CFAP20DC: variants seen among roughly 807,000 people sequenced by gnomAD.
CFAP20DC encodes the protein protein CFAP20DC.
In CFAP20DC, 84 loss-of-function variants were observed where a neutral mutation model predicts 101.7. That is an observed-to-expected ratio of 0.83 (90% confidence interval 0.69 to 0.99). CFAP20DC has a LOEUF of 0.99. Ranked by LOEUF, CFAP20DC falls within the 50% of genes least tolerant of loss-of-function variation. The probability of loss-of-function intolerance (pLI) is 0.00; values close to 1 mark genes in which losing one functional copy is unlikely to be tolerated. For missense variants in CFAP20DC, 1,007 were observed against 970.3 expected, an observed-to-expected ratio of 1.04 and a Z score of -0.50; for synonymous variants, 359 against 351.2, an observed-to-expected ratio of 1.02 and a Z score of -0.25.
intron 5 of CFAP20DC, among the ~76,000 whole-genome samples, chr3:58,931,214 G>C (rs907437433): frequency 6.6e-6 from 1 of 152,136 alleles, no homozygotes; most frequent in African/African-American, 2.4e-5. Context: ...AAGCGAGGCT[G>C]GGGGAGGGGT....
chr3:58,998,389 A>G (rs1377306094), intron 4 of CFAP20DC, among the ~76,000 whole-genome samples: 1 of 152,184 alleles, frequency 6.6e-6, no homozygotes, highest in Non-Finnish European at 1.5e-5. Flanking sequence ...GGTGATAACA[A>G]TATCAAACTC....
intron 3 of CFAP20DC, among the ~76,000 whole-genome samples, chr3:59,040,192 GTTAA>G (rs1191059578): frequency 6.6e-6 from 1 of 151,924 alleles, no homozygotes; most frequent in Non-Finnish European, 1.5e-5. Flanking sequence ...TAAACCTTTT[GTTAA>G]TTAACATATA....
At chr3:58,995,287 C>A (rs1442636470) in intron 4 of CFAP20DC, among the ~76,000 whole-genome samples, 2 of 151,530 alleles carry the variant, frequency 1.3e-5, no homozygotes, top group Non-Finnish European at 2.9e-5. Context: ...GACTCTCCTG[C>A]AACTGAAAAA....
chr3:58,902,530 T>C (rs906079067), intron 6 of CFAP20DC, among the ~76,000 whole-genome samples: 2 of 152,218 alleles, frequency 1.3e-5, no homozygotes, highest in African/African-American at 2.4e-5. Context: ...GCTAATGATA[T>C]TGAACATTTT....
rs573492850 is a variant in CFAP20DC, at chr3:59,001,229, T to C, written c.278+38328A>G. The stretch of plus-strand genomic sequence containing the variant: ...TTATAATTTATGTACTTAATTTCTA[T>C]ACTTTATCCTTGAAGATTCTTTGAT... On this transcript the variant is annotated intron_variant, in intron 4 of 16. Coordinates refer to ENST00000482387, the MANE Select transcript of CFAP20DC (RefSeq NM_001394063.1). The surrounding 1 kb of genome is among the most constrained non-coding windows in gnomAD (Gnocchi z 4.5). Among the ~76,000 whole-genome samples, 27 of 152,328 alleles carry C rather than the reference T, an allele frequency of 1.8e-4. No individual in the cohort carries two copies. The highest frequency in any genetic ancestry group is 3.4e-3 in the Middle Eastern group (1 of 294).
intron 5 of CFAP20DC, among the ~76,000 whole-genome samples, chr3:58,916,331 A>C (rs902460617): frequency 1.3e-5 from 2 of 151,976 alleles, no homozygotes; most frequent in African/African-American, 2.4e-5. Flanking sequence ...AGCTGGTTAC[A>C]CCACCAGCTC....
In CFAP20DC at chr3:58,886,571, C is replaced by CA. The variant is rs950009179; in HGVS notation, c.551-1863dup. Among the ~76,000 whole-genome samples the CA allele has an allele frequency of 1.3e-5, 2 of 150,434 alleles. 1 individual carries two copies. Among genetic ancestry groups the CA allele is most frequent in the South Asian group, 4.2e-4 (2 of 4,726 alleles). On this transcript the variant is annotated intron_variant, in intron 6 of 16. Coordinates refer to ENST00000482387, the MANE Select transcript of CFAP20DC (RefSeq NM_001394063.1). ...ACCCCATATATCTTTAAAAAAAAAA[C>CA]AAAAAAATTAGCTGGGCATAGTCCC... is the stretch of plus-strand genomic sequence containing the variant.
At chr3:59,045,093 C>CT (rs199503365) in intron 3 of CFAP20DC, among the ~76,000 whole-genome samples, 1 of 151,058 alleles carries the variant, frequency 6.6e-6, no homozygotes, top group Non-Finnish European at 1.5e-5. Flanking sequence ...GATATCTCTT[C>CT]TTTTTTTTTC....
intron 15 of CFAP20DC, among the ~76,000 whole-genome samples, chr3:58,789,082 T>G (rs2072630452): frequency 6.6e-6 from 1 of 152,126 alleles, no homozygotes; most frequent in Non-Finnish European, 1.5e-5. Context: ...GTAATAGCAT[T>G]AGTAGTTATT....
chr3:58,834,917 A>G (rs968490072), intron 13 of CFAP20DC, among the ~76,000 whole-genome samples: 2 of 152,108 alleles, frequency 1.3e-5, no homozygotes, highest in East Asian at 3.8e-4. Context: ...AAAAAATTGG[A>G]ATTAAAGTGC....
chr3:58,735,882 G>A (rs144480208), intron 3 of CFAP20DC, among the ~76,000 whole-genome samples: 102 of 152,240 alleles, frequency 6.7e-4, no homozygotes, highest in African/African-American at 2.4e-3. Context: ...GACCACAGCC[G>A]ATTATAACAG....
chr3:58,739,112 T>G (rs1038461576), downstream of CFAP20DC, among the ~76,000 whole-genome samples: 1 of 152,116 alleles, frequency 6.6e-6, no homozygotes, highest in African/African-American at 2.4e-5. Context: ...TTGGCAAAAG[T>G]GTCTATGTAT....
chr3:59,031,667 T>C (rs528086233), intron 4 of CFAP20DC, among the ~76,000 whole-genome samples: 1 of 152,312 alleles, frequency 6.6e-6, no homozygotes, highest in East Asian at 1.9e-4. Context: ...AACAAACGTA[T>C]AAATTGTTCT....
intron 4 of CFAP20DC, among the ~76,000 whole-genome samples, chr3:58,997,844 T>C (rs2093183754): frequency 6.6e-6 from 1 of 152,164 alleles, no homozygotes; most frequent in Admixed American, 6.5e-5. Context: ...TCGATAGCAA[T>C]GTACAGACTG....
chr3:58,936,871 T>C (rs1306944024), intron 5 of CFAP20DC, among the ~76,000 whole-genome samples: 2 of 151,286 alleles, frequency 1.3e-5, no homozygotes, highest in African/African-American at 4.9e-5. Flanking sequence ...CATGTATACA[T>C]ATGTAACTAA....
At chr3:58,770,049 C>T (rs543005980) in intron 15 of CFAP20DC, among the ~76,000 whole-genome samples, 3 of 152,300 alleles carry the variant, frequency 2.0e-5, no homozygotes, top group African/African-American at 7.2e-5. Flanking sequence ...GAATATCTTT[C>T]TATCTTTCCT....
At chr3:58,866,521 C>T (rs770671966) in intron 11 of CFAP20DC, 45 bp downstream of exon 11, 1 of 1,465,294 alleles carries the variant, frequency 6.8e-7, no homozygotes, top group Non-Finnish European at 9.2e-7. Context: ...ACCATATTTA[C>T]ATTTTATTCA....
intron 4 of CFAP20DC, among the ~76,000 whole-genome samples, chr3:58,974,038 C>A (rs111977191): frequency 1.3e-5 from 2 of 151,998 alleles, no homozygotes; most frequent in Non-Finnish European, 2.9e-5. Context: ...AGGACAGGAG[C>A]GGGCTACCTC....
chr3:58,967,904 C>T (rs151077625), intron 4 of CFAP20DC, among the ~76,000 whole-genome samples: 2,796 of 152,228 alleles, frequency 0.018, 101 homozygotes, highest in African/African-American at 0.064. Flanking sequence ...TTGTTTCCTT[C>T]TTTGTGTTCA....
Sources: allele counts gnomAD v4.1 joint callset (sites outside exome capture counted in the v4.1 genomes callset), GRCh38; gene constraint gnomAD v4.1.1; non-coding constraint Gnocchi (gnomAD v3.1); transcripts MANE v1.5; gene names NCBI Gene and HGNC (gene_info 2026-07-23, HGNC 2026-07-21).